The following FAM240C variants were observed in gnomAD, a reference collection of about 807,000 sequenced individuals.
FAM240C encodes the protein protein FAM240C.
A neutral mutation model predicts 10.0 loss-of-function variants in FAM240C; 14 were observed. The ratio of observed to expected loss-of-function variants is 1.40; its 90% CI spans 0.92 to 2.19. The LOEUF is 2.19. FAM240C is among the 30% of genes most tolerant of loss of function. The probability of loss-of-function intolerance (pLI) is 0.00; values close to 1 mark genes in which losing one functional copy is unlikely to be tolerated. For synonymous variants in FAM240C, 49 were observed against 44.3 expected, an observed-to-expected ratio of 1.11 and a Z score of -0.42; for missense variants, 154 against 122.3, an observed-to-expected ratio of 1.26 and a Z score of -1.22.
chr2:241,900,428 G>A lies in FAM240C; in HGVS notation c.-59C>T, dbSNP rs372951083. 24 of 716,162 alleles carry A rather than the reference G, an allele frequency of 3.4e-5. No homozygotes were observed. The highest frequency in any genetic ancestry group is 2.1e-4 in the African/African-American group (12 of 57,194). The allele number at this position is 716,162 out of a possible 1,614,324, so 44.4% of individuals were successfully genotyped here. ...TGAGGGTCCTCAGCCTGTCCTCTCC[G>A]GGGTGCACGCCTGTATCTCGCCTGC... On this transcript the variant is annotated 5_prime_UTR_variant, in exon 1 of 3. Coordinates refer to ENST00000404031, the MANE Select transcript of FAM240C (RefSeq NM_001382368.1). This position sits in a 1 kb window ranked among gnomAD's most constrained non-coding sequence, Gnocchi z 4.5.
intron 1 of FAM240C, chr2:241,899,468 A>G: frequency 4.4e-6 from 2 of 450,934 alleles, no homozygotes; most frequent in Non-Finnish European, 5.8e-6. Context: ...GGAGGGTGGG[A>G]TGCACGGAAC....
At chr2:241,899,342 C>A in intron 1 of FAM240C, 1 of 985,410 alleles carries the variant, frequency 1.0e-6, no homozygotes, top group Non-Finnish European at 1.2e-6. Flanking sequence ...GATGCCACGC[C>A]CTTTGTTCCA....
chr2:241,900,354 T>C lies in FAM240C; in HGVS notation c.12+4A>G. On this transcript the variant is annotated splice_donor_region_variant and intron_variant, in intron 1 of 2. Coordinates refer to ENST00000404031, the MANE Select transcript of FAM240C (RefSeq NM_001382368.1). The surrounding 1 kb of genome is among the most constrained non-coding windows in gnomAD (Gnocchi z 4.5). ...CAGCGCCTGTCACATCACAGAGAGC[T>C]TACTTTTCCAACCATTTCTCAGTGA... 1.4e-6 allele frequency: 1 copy of C among 717,286 alleles called. No individual in the cohort carries two copies. The highest frequency in any genetic ancestry group is 2.6e-6 in the Non-Finnish European group (1 of 385,054). The allele number at this position is 717,286 out of a possible 1,614,324, so 44.4% of individuals were successfully genotyped here.
intron 1 of FAM240C, 44 bp from the exon 2 acceptor site, chr2:241,897,378 T>A: frequency 6.5e-7 from 1 of 1,538,354 alleles, no homozygotes; most frequent in Non-Finnish European, 8.8e-7. Flanking sequence ...CCTTATGCCA[T>A]TCCCATTGAC....
chr2:241,896,805 G>T (rs1353590266), intron 2 of FAM240C, among the ~76,000 whole-genome samples: 1 of 16,246 alleles, frequency 6.2e-5, no homozygotes, highest in Non-Finnish European at 1.1e-4. Context: ...GTGTTGGGGT[G>T]TGGGTGTGTG....
At position 241,894,726 on chromosome 2, in the gene FAM240C, C is replaced by T. The variant is rs1203461047; in HGVS notation, c.162-387G>A. On this transcript the variant is annotated intron_variant, in intron 2 of 2. Transcript: ENST00000404031. ...AGCTCTTGCAGCCTCTGTCTCTGCTCTGCTCACGGAGAGGCAGGTGCCCTC... is the reference window on the plus strand; with the variant it reads ...AGCTCTTGCAGCCTCTGTCTCTGCTTTGCTCACGGAGAGGCAGGTGCCCTC... 4.6e-5 allele frequency among the ~76,000 whole-genome samples: 7 copies of T among 152,180 alleles called. No individual in the cohort carries two copies. In the East Asian group the frequency reaches 9.6e-4, roughly 21 times the overall value.
At chr2:241,896,523 G>A in intron 2 of FAM240C, among the ~76,000 whole-genome samples, 2 of 133,604 alleles carry the variant, frequency 1.5e-5, no homozygotes, top group Admixed American at 1.5e-4. Flanking sequence ...GTGTTGGGGT[G>A]TGGGTGTTGG....
At chr2:241,896,501 AAGGGGGT>A (rs1701809564) in intron 2 of FAM240C, among the ~76,000 whole-genome samples, 1 of 10,346 alleles carries the variant, frequency 9.7e-5, no homozygotes. Context: ...GGTGTGGGTG[AAGGGGGT>A]GTGGGTGTTG....
In FAM240C at chr2:241,894,151, G is replaced by A. The variant is rs970948554; in HGVS notation, c.*62C>T. 11 of 1,508,572 alleles carry A rather than the reference G, an allele frequency of 7.3e-6. No individual in the cohort carries two copies. The highest frequency in any genetic ancestry group is 6.9e-5 in the African/African-American group (5 of 72,180). The allele number at this position is 1,508,572 out of a possible 1,614,324, so 93.4% of individuals were successfully genotyped here. ...TCTGGCGTGGATGCTTGGACCCCAC[G>A]CGTGGTGTTCCTTCTCCATGACCCT... is the stretch of plus-strand genomic sequence containing the variant. On this transcript the variant is annotated 3_prime_UTR_variant, in exon 3 of 3. Coordinates refer to ENST00000404031, the MANE Select transcript of FAM240C (RefSeq NM_001382368.1).
intron 1 of FAM240C, chr2:241,899,128 A>C (rs1189879683): frequency 7.7e-7 from 1 of 1,304,082 alleles, no homozygotes; most frequent in Non-Finnish European, 1.0e-6. Context: ...CTTCAGGTGG[A>C]GAGGGTAAGG....
intron 2 of FAM240C, 34 bp from the exon 3 acceptor site, chr2:241,894,373 C>A: frequency 6.6e-7 from 1 of 1,525,616 alleles, no homozygotes; most frequent in South Asian, 1.2e-5. Context: ...CATTGTGAGT[C>A]AAGCTCTCGG....
chr2:241,897,046 A>T (rs1701862256), intron 2 of FAM240C, 140 bp downstream of exon 2: 2 of 882,108 alleles, frequency 2.3e-6, no homozygotes, highest in South Asian at 1.8e-5. Flanking sequence ...GACTCCTTTC[A>T]CAGGCCTGGA....
intron 2 of FAM240C, among the ~76,000 whole-genome samples, chr2:241,894,979 C>A (rs1701759418): frequency 6.6e-6 from 1 of 152,214 alleles, no homozygotes; most frequent in African/African-American, 2.4e-5. Context: ...CTGGGCAGAT[C>A]CCCACCTGCC....
intron 1 of FAM240C, among the ~76,000 whole-genome samples, chr2:241,898,662 C>T (rs1008467730): frequency 8.5e-5 from 13 of 152,232 alleles, no homozygotes; most frequent in Non-Finnish European, 1.5e-4. Flanking sequence ...AGTGGGAGCC[C>T]GGCTCTGGGT....
upstream of FAM240C, among the ~76,000 whole-genome samples, chr2:241,901,568 C>G (rs371079202): frequency 7.2e-5 from 11 of 152,240 alleles, no homozygotes; most frequent in African/African-American, 2.4e-4. The surrounding 1 kb of genome is among the most constrained non-coding windows in gnomAD (Gnocchi z 4.9). Context: ...CTCAGGACAC[C>G]TTGATCTGTG....
upstream of FAM240C, among the ~76,000 whole-genome samples, chr2:241,901,258 C>A (rs1052092689): frequency 6.6e-6 from 1 of 152,260 alleles, no homozygotes; most frequent in South Asian, 2.1e-4. This position sits in a 1 kb window ranked among gnomAD's most constrained non-coding sequence, Gnocchi z 4.9. Context: ...TTGTCCTGGA[C>A]GGGGTTCCTC....
upstream of FAM240C, chr2:241,900,467 A>C: frequency 1.4e-6 from 1 of 701,296 alleles, no homozygotes; most frequent in Non-Finnish European, 2.7e-6. The surrounding 1 kb of genome is among the most constrained non-coding windows in gnomAD (Gnocchi z 4.5). Context: ...TCTCTGTTAC[A>C]TGGGCTCAGT....
intron 2 of FAM240C, among the ~76,000 whole-genome samples, chr2:241,895,026 G>A (rs1418411625): frequency 6.6e-6 from 1 of 152,204 alleles, no homozygotes; most frequent in African/African-American, 2.4e-5. Context: ...AGTGCTTTTG[G>A]CTTTAGAAGT....
intron 2 of FAM240C, among the ~76,000 whole-genome samples, chr2:241,896,519 GGGTGT>G: frequency 3.7e-5 from 5 of 133,944 alleles, no homozygotes; most frequent in African/African-American, 1.1e-4. Context: ...GTGGGTGTTG[GGGTGT>G]GGGTGTTGGG....
Sources: gnomAD v4.1 joint callset for allele counts (sites outside exome capture counted in the v4.1 genomes callset) on GRCh38, gnomAD v4.1.1 for gene constraint, Gnocchi (gnomAD v3.1) non-coding constraint, MANE v1.5 for transcripts, NCBI Gene and HGNC (gene_info 2026-07-23, HGNC 2026-07-21) for gene names.